Variants in MROH1 observed in about 807,000 individuals in gnomAD.
The protein encoded by MROH1 is maestro heat like repeat family member 1.
Under a neutral mutation model 116.5 loss-of-function variants are expected in MROH1, and 117 were observed. The ratio of observed to expected loss-of-function variants is 1.00; its 90% CI spans 0.86 to 1.17. MROH1 has a LOEUF of 1.17. Among genes scored for constraint, MROH1 ranks in the 50% most tolerant of loss-of-function variants. The pLI, the probability that MROH1 is intolerant of heterozygous loss-of-function variation, is 0.00. For synonymous variants in MROH1, 921 were observed against 583.9 expected (o/e 1.58, Z -8.32); for missense variants, 1,873 against 1,338.5 (o/e 1.40, Z -6.23).
chr8:144,257,373 A>G (rs1461604398), intron 35 of MROH1, among the ~76,000 whole-genome samples: 2 of 152,086 alleles, frequency 1.3e-5, no homozygotes, highest in Non-Finnish European at 2.9e-5. Context: ...GGCACACCCC[A>G]TGGGGACAGT....
intron 31 of MROH1, among the ~76,000 whole-genome samples, chr8:144,248,563 G>A (rs1052189516): frequency 8.5e-5 from 13 of 152,190 alleles, no homozygotes; most frequent in African/African-American, 3.1e-4. Context: ...CTGCACCACA[G>A]GGCTGCTCCC....
chr8:144,207,525 A>C (rs1833104819), intron 12 of MROH1, among the ~76,000 whole-genome samples: 1 of 151,978 alleles, frequency 6.6e-6, no homozygotes, highest in South Asian at 2.1e-4. Flanking sequence ...TGATTTATAG[A>C]GAGAGGGTCT....
In MROH1 at chr8:144,260,351, C is replaced by T. The variant is rs1412916332; in HGVS notation, c.4357C>T (p.Arg1453Cys). The T allele has an allele frequency of 1.1e-5, 8 of 728,148 alleles. No homozygotes were observed. The highest frequency in any genetic ancestry group is 1.8e-5 in the Non-Finnish European group (7 of 397,590). The allele number at this position is 728,148 out of a possible 1,614,324, so 45.1% of individuals were successfully genotyped here. The stretch of plus-strand genomic sequence containing the variant: ...CTCAGGGCTGCTGCACGTGGCCATC[C>T]GCATCCGGCCTTTCTTCGACAGTGT... Reference protein sequence around the residue: ...LRSGLLHVAIRIRPFFDSEKM... With the variant: ...LRSGLLHVAICIRPFFDSEKM... The change falls in exon 39 of 44, where the codon CGC (arginine) becomes TGC (cysteine). Residue 1453 changes from arginine (R) to cysteine (C), a missense_variant. Coordinates refer to ENST00000326134, the MANE Select transcript of MROH1 (RefSeq NM_032450.3).
intron 13 of MROH1, among the ~76,000 whole-genome samples, chr8:144,221,541 G>A (rs990048389): frequency 5.9e-5 from 9 of 152,052 alleles, no homozygotes; most frequent in Non-Finnish European, 1.3e-4. Flanking sequence ...CCTTTGTGCT[G>A]GGCCTCCTCT....
chr8:144,180,440 C>A lies in MROH1; in HGVS notation c.479C>A (p.Pro160His), dbSNP rs765192179. The A allele has an allele frequency of 6.2e-7, 1 of 1,613,182 alleles. No homozygotes were observed. The highest frequency in any genetic ancestry group is 1.1e-5 in the South Asian group (1 of 91,070). The change falls in exon 7 of 44, where the codon CCC becomes CAC. Residue 160 changes from proline (P) to histidine (H), a missense_variant. Coordinates refer to ENST00000326134, the MANE Select transcript of MROH1 (RefSeq NM_032450.3). The surrounding 1 kb of genome is among the most constrained non-coding windows in gnomAD (Gnocchi z 7.4). ...TCTCTCACAGCGTTCGGCGTAGTCC[C>A]CTTCCTGCCATCCGTCCTGAGCTCC... ...LSVANAFGVV[P>H]FLPSVLSSLL...
chr8:144,159,773 T>TA, intron 1 of MROH1, among the ~76,000 whole-genome samples: 1 of 149,308 alleles, frequency 6.7e-6, no homozygotes, highest in Non-Finnish European at 1.5e-5. Context: ...TAATTTTTTT[T>TA]TTTTTTTTTT....
intron 12 of MROH1, among the ~76,000 whole-genome samples, chr8:144,207,691 GTTGT>G (rs1833146587): frequency 6.6e-6 from 1 of 152,106 alleles, no homozygotes; most frequent in South Asian, 2.1e-4. Flanking sequence ...TAACAACTGG[GTTGT>G]TTGTCGTTTT....
chr8:144,244,252 C>A lies in MROH1; in HGVS notation c.2586C>A (p.Ala862=), dbSNP rs906829862. The part of the protein sequence containing the change: ...VSVEPALDEQ[A]RADVIHGCLH... ...TGGAGCCAGCGCTGGACGAGCAGGC[C>A]CGGGCGGATGTGATCCATGGCTGCC... The change falls in exon 27 of 44, where the codon GCC becomes GCA. Residue 862 remains alanine (A), a synonymous_variant. Coordinates refer to ENST00000326134, the MANE Select transcript of MROH1 (RefSeq NM_032450.3). The A allele has an allele frequency of 1.5e-4, 105 of 718,340 alleles. 1 individual carries two copies. The Middle Eastern group carries it at 3.5e-3, about 24-fold the overall frequency. The allele number at this position is 718,340 out of a possible 1,614,324, so 44.5% of individuals were successfully genotyped here.
intron 14 of MROH1, among the ~76,000 whole-genome samples, chr8:144,230,513 TTTAATGATC>T (rs1241529465): frequency 1.3e-5 from 2 of 152,096 alleles, no homozygotes; most frequent in African/African-American, 4.8e-5. Flanking sequence ...TTTTTTTTTT[TTTAATGATC>T]TTTTAATATG....
rs188522783 is a variant in MROH1 at position 144,232,215 on chromosome 8, C to T, written c.1339-6541C>T. The stretch of plus-strand genomic sequence containing the variant: ...TCATACCCCCACCTTCTACCCTTCC[C>T]GGCCTCTGGTAACCACCAGCCTACT... On this transcript the variant is annotated intron_variant, in intron 14 of 43. Coordinates refer to ENST00000326134, the MANE Select transcript of MROH1 (RefSeq NM_032450.3). Among the ~76,000 whole-genome samples the T allele has an allele frequency of 2.4e-4, 36 of 152,252 alleles. No homozygotes were observed. In the East Asian group the frequency reaches 5.8e-3, roughly 24 times the overall value.
At chr8:144,208,483 A>G (rs1057039341) in intron 12 of MROH1, among the ~76,000 whole-genome samples, 5 of 149,150 alleles carry the variant, frequency 3.4e-5, no homozygotes, top group African/African-American at 9.9e-5. Context: ...CTGTATCCCT[A>G]TATCCCCCTT....
chr8:144,192,995 T>C lies in MROH1; in HGVS notation c.948+594T>C, dbSNP rs531195393. 237 of 198,788 alleles carry C rather than the reference T, an allele frequency of 1.2e-3. 2 individuals carry two copies. Among genetic ancestry groups the C allele is most frequent in the Admixed American group, 2.2e-3 (41 of 18,784 alleles). 12.3% of individuals were successfully genotyped at this position (198,788 alleles called of 1,614,324 possible). A position where few individuals can be genotyped will look rare whatever the true frequency, so the allele number is the denominator to read the frequency against. On this transcript the variant is annotated intron_variant, in intron 10 of 43. Coordinates refer to ENST00000326134, the MANE Select transcript of MROH1 (RefSeq NM_032450.3). Reference sequence around the variant, plus strand: ...AGGGGCAGGGAGCTAGAGAGGGTGGTGTGGTGAAGTCTGCAAGGAAACTTT... The same window carrying C: ...AGGGGCAGGGAGCTAGAGAGGGTGGCGTGGTGAAGTCTGCAAGGAAACTTT...
chr8:144,208,222 G>A (rs1249160071), intron 12 of MROH1, among the ~76,000 whole-genome samples: 3 of 152,196 alleles, frequency 2.0e-5, no homozygotes, highest in East Asian at 3.8e-4. Context: ...GGGATTACAG[G>A]CGTGAGCCAC....
intron 11 of MROH1, 66 bp from the exon 12 acceptor site, chr8:144,200,362 G>T (rs1029797026): frequency 7.8e-6 from 10 of 1,280,604 alleles, no homozygotes; most frequent in Non-Finnish European, 1.1e-5. Context: ...CTGGAGAGTA[G>T]GTGGACGCTG....
chr8:144,169,708 T>C (rs1165316710), intron 4 of MROH1, among the ~76,000 whole-genome samples: 1 of 150,190 alleles, frequency 6.7e-6, no homozygotes, highest in African/African-American at 2.5e-5. Context: ...AGTGGCGTGA[T>C]CTCGGCTCAC....
chr8:144,197,344 G>C (rs1288833095), intron 10 of MROH1, among the ~76,000 whole-genome samples: 1 of 145,152 alleles, frequency 6.9e-6, no homozygotes, highest in Non-Finnish European at 1.5e-5. Context: ...GGCCGCTTGA[G>C]TGTCCCCACA....
At position 144,247,421 on chromosome 8, in the gene MROH1, C is replaced by T; in HGVS notation, c.2992C>T (p.Gln998Ter). 1 of 771,128 alleles carries T rather than the reference C, an allele frequency of 1.3e-6. No individual in the cohort carries two copies. The highest frequency in any genetic ancestry group is 2.4e-6 in the Non-Finnish European group (1 of 413,586). 47.8% of individuals were successfully genotyped at this position (771,128 alleles called of 1,614,324 possible). A position where few individuals can be genotyped will look rare whatever the true frequency, so the allele number is the denominator to read the frequency against. The change falls in exon 30 of 44, where the codon CAG becomes TAG. Residue 998 changes from glutamine to a stop codon, truncating the protein, a stop_gained. Coordinates refer to ENST00000326134, the MANE Select transcript of MROH1 (RefSeq NM_032450.3). LOFTEE classifies it high-confidence loss of function. ...CTGTGTCTACTCCCTGCTGTACCTC[C>T]AGCTCGGCTATGAGGGTGAGCCCTC... ...VDCVYSLLYL[Q>*]LGYEGFSRDY...
In MROH1 at chr8:144,258,933, C is replaced by CT; in HGVS notation, c.3929+20dup. Reference sequence around the variant, plus strand: ...TGGCCAGGTGAGCGGGCCCAGCCCACTGCAGCTCCAGCACTGGCTGGGCTC... The same window carrying CT: ...TGGCCAGGTGAGCGGGCCCAGCCCACTTGCAGCTCCAGCACTGGCTGGGCTC... On this transcript the variant is annotated intron_variant, in intron 36 of 43. Transcript: ENST00000326134. 1 of 724,214 alleles carries CT rather than the reference C, an allele frequency of 1.4e-6. No individual in the cohort carries two copies. 44.9% of individuals were successfully genotyped at this position (724,214 alleles called of 1,614,324 possible).
At chr8:144,249,709 C>G (rs991482039) in intron 32 of MROH1, among the ~76,000 whole-genome samples, 38 of 152,314 alleles carry the variant, frequency 2.5e-4, no homozygotes, top group South Asian at 1.5e-3. Flanking sequence ...ACAGCCCCCC[C>G]CAAGTCCCAT....
Sources: gnomAD v4.1 joint callset for allele counts (sites outside exome capture counted in the v4.1 genomes callset) on GRCh38, gnomAD v4.1.1 for gene constraint, Gnocchi (gnomAD v3.1) non-coding constraint, MANE v1.5 for transcripts, NCBI Gene and HGNC (gene_info 2026-07-23, HGNC 2026-07-21) for gene names.